PLCB1: variants seen among roughly 807,000 people sequenced by gnomAD.
PLCB1 encodes phospholipase C beta 1, also known as 1-phosphatidylinositol 4,5-bisphosphate phosphodiesterase beta-1.
In PLCB1, 46 loss-of-function variants were observed where a neutral mutation model predicts 161.8. That is an observed-to-expected ratio of 0.28 (90% CI 0.22 to 0.36). The LOEUF (loss-of-function observed/expected upper bound fraction) is 0.36, where lower values mean the gene tolerates loss of function less well. PLCB1 is among the 10% of genes least tolerant of loss of function. The pLI is 1.00. For synonymous variants in PLCB1, 517 were observed against 503.7 expected, an observed-to-expected ratio of 1.03 and a Z score of -0.35; for missense variants, 1,016 against 1,472.5, an observed-to-expected ratio of 0.69 and a Z score of 5.07.
At chr20:8,521,924 CTTCT>C (rs563403317) in intron 3 of PLCB1, among the ~76,000 whole-genome samples, 229 of 152,266 alleles carry the variant, frequency 1.5e-3, no homozygotes, top group Middle Eastern at 3.4e-3. Flanking sequence ...CTATATTCTC[CTTCT>C]TTCTTAACAT....
intron 3 of PLCB1, among the ~76,000 whole-genome samples, chr20:8,461,913 AT>A (rs563889239): frequency 3.9e-5 from 6 of 152,172 alleles, no homozygotes; most frequent in African/African-American, 9.7e-5. Flanking sequence ...CATCTTAAAA[AT>A]ATCCCATTCC....
At chr20:8,540,530 G>A (rs1219213724) in intron 3 of PLCB1, among the ~76,000 whole-genome samples, 1 of 152,164 alleles carries the variant, frequency 6.6e-6, no homozygotes, top group Non-Finnish European at 1.5e-5. Context: ...CCTTGTGCCT[G>A]TCAGCCTGAA....
At chr20:8,641,449 G>A (rs187018554) in intron 4 of PLCB1, among the ~76,000 whole-genome samples, 9 of 152,260 alleles carry the variant, frequency 5.9e-5, no homozygotes, top group Admixed American at 2.0e-4. Context: ...AAAAGAATGC[G>A]AGGCAGAACT....
At chr20:8,339,113 T>G (rs1044246502) in intron 2 of PLCB1, among the ~76,000 whole-genome samples, 6 of 152,248 alleles carry the variant, frequency 3.9e-5, no homozygotes, top group Non-Finnish European at 7.3e-5. Context: ...TAAACAATTT[T>G]GTACAGGTCT....
chr20:8,816,643 A>G (rs1414254239), intron 31 of PLCB1, among the ~76,000 whole-genome samples: 1 of 152,224 alleles, frequency 6.6e-6, no homozygotes, highest in African/African-American at 2.4e-5. Flanking sequence ...ATATGAATGA[A>G]CAGAGAATTT....
intron 2 of PLCB1, among the ~76,000 whole-genome samples, chr20:8,260,226 A>G (rs138111697): frequency 3.4e-4 from 52 of 150,844 alleles, no homozygotes; most frequent in African/African-American, 1.2e-3. Context: ...GACTACAGGC[A>G]CACACCGTAG....
intron 4 of PLCB1, among the ~76,000 whole-genome samples, chr20:8,644,955 G>A (rs1015757333): frequency 6.6e-6 from 1 of 152,102 alleles, no homozygotes; most frequent in Non-Finnish European, 1.5e-5. Context: ...AGGTAGACAT[G>A]GGAGACTTTT....
At chr20:8,217,855 C>G (rs1019823022) in intron 2 of PLCB1, among the ~76,000 whole-genome samples, 2 of 152,072 alleles carry the variant, frequency 1.3e-5, no homozygotes, top group African/African-American at 2.4e-5. Flanking sequence ...CTCCTTTACT[C>G]TCTTGTTCTT....
intron 27 of PLCB1, among the ~76,000 whole-genome samples, chr20:8,782,505 A>C (rs1159850774): frequency 1.3e-5 from 2 of 151,934 alleles, no homozygotes; most frequent in Non-Finnish European, 2.9e-5. Context: ...TGGTCCTCCT[A>C]CCTCAGCCTC....
chr20:8,521,913 ACTATATTCTC>A (rs1195219906), intron 3 of PLCB1, among the ~76,000 whole-genome samples: 19 of 152,210 alleles, frequency 1.2e-4, no homozygotes, highest in African/African-American at 4.6e-4. Flanking sequence ...GGGAGTGCAA[ACTATATTCTC>A]CTTCTTTCTT....
At chr20:8,752,185 T>C (rs1981514716) in intron 23 of PLCB1, 1 of 152,186 alleles carries the variant, frequency 6.6e-6, no homozygotes, top group African/African-American at 2.4e-5. Context: ...AAGTTATTAT[T>C]ACGGTTCCTT....
In PLCB1 at chr20:8,230,056, C is replaced by CAAAAAA. The variant is rs547874616; in HGVS notation, c.177+79708_177+79713dup. ...CGGCAACAGAGTTGCGACTTGGCAG[C>CAAAAAA]AAAAAAAAAAAAAAAAAAAAAAAAA... is the stretch of plus-strand genomic sequence containing the variant. On this transcript the variant is annotated intron_variant, in intron 2 of 31. Transcript: ENST00000338037. 1.1e-3 allele frequency among the ~76,000 whole-genome samples: 65 copies of CAAAAAA among 58,870 alleles called. 1 individual carries two copies. Among genetic ancestry groups the CAAAAAA allele is most frequent in the African/African-American group, 1.8e-3 (40 of 22,740 alleles). 38.6% of individuals were successfully genotyped at this position (58,870 alleles called of 152,430 possible).
At chr20:8,646,226 G>A (rs1600223508) in intron 5 of PLCB1, 45 bp downstream of exon 5, 1 of 1,270,660 alleles carries the variant, frequency 7.9e-7, no homozygotes, top group East Asian at 2.3e-5. Context: ...CTTCTTCTGA[G>A]TCAGTTTCCT....
rs562088872 is a variant in PLCB1 at position 8,244,221 on chromosome 20, C to T, written c.177+93850C>T. Among the ~76,000 whole-genome samples, 10 of 152,004 alleles carry T rather than the reference C, an allele frequency of 6.6e-5. No homozygotes were observed. In the South Asian group the frequency reaches 1.7e-3, roughly 25 times the overall value. ...TTTATTAATGTTTGTCTGTGCCCTACATATATCTACTGTATCAGTCTAAGA... is the reference window on the plus strand; with the variant it reads ...TTTATTAATGTTTGTCTGTGCCCTATATATATCTACTGTATCAGTCTAAGA... On this transcript the variant is annotated intron_variant, in intron 2 of 31. Coordinates refer to ENST00000338037, the MANE Select transcript of PLCB1 (RefSeq NM_015192.4).
At chr20:8,342,668 T>A (rs902018856) in intron 2 of PLCB1, among the ~76,000 whole-genome samples, 1 of 152,190 alleles carries the variant, frequency 6.6e-6, no homozygotes, top group Admixed American at 6.6e-5. Flanking sequence ...CTAGAAACCC[T>A]GAACTGAGTC....
chr20:8,880,981 C>A, intron 31 of PLCB1: 1 of 154,126 alleles, frequency 6.5e-6, no homozygotes, highest in Non-Finnish European at 1.4e-5. Flanking sequence ...ATTCTCCTGC[C>A]CCAGCCTCCC....
chr20:8,764,582 TCTC>T (rs1226949769), intron 25 of PLCB1, among the ~76,000 whole-genome samples: 2 of 152,070 alleles, frequency 1.3e-5, no homozygotes, highest in African/African-American at 2.4e-5. Context: ...GCTCATAACT[TCTC>T]CTTCTCTGCA....
chr20:8,525,705 T>C (rs748391362), intron 3 of PLCB1, among the ~76,000 whole-genome samples: 7 of 152,088 alleles, frequency 4.6e-5, no homozygotes, highest in Non-Finnish European at 7.4e-5. Context: ...AAATCAACTT[T>C]GTGCAGTCTC....
At chr20:8,528,532 G>A (rs1984671805) in intron 3 of PLCB1, among the ~76,000 whole-genome samples, 1 of 152,004 alleles carries the variant, frequency 6.6e-6, no homozygotes. Context: ...TACCTCTAGT[G>A]GGAAGGTCAG....
Sources: gnomAD v4.1 joint callset for allele counts (sites outside exome capture counted in the v4.1 genomes callset) on GRCh38, gnomAD v4.1.1 for gene constraint, MANE v1.5 for transcripts, NCBI Gene and HGNC (gene_info 2026-07-23, HGNC 2026-07-21) for gene names.